The following KIAA0825 variants were observed in gnomAD, a reference collection of about 807,000 sequenced individuals.
The protein encoded by KIAA0825 is KIAA0825, also known as uncharacterized protein KIAA0825.
Under a neutral mutation model 147.6 loss-of-function variants are expected in KIAA0825, and 119 were observed. The observed-to-expected ratio is 0.81, with a 90% CI of 0.69 to 0.94. The LOEUF (loss-of-function observed/expected upper bound fraction) is 0.94, where lower values mean the gene tolerates loss of function less well. KIAA0825 is among the 40% of genes least tolerant of loss of function. The pLI, the probability that KIAA0825 is intolerant of heterozygous loss-of-function variation, is 0.00. For synonymous variants in KIAA0825, 470 were observed against 518.1 expected (o/e 0.91, Z 1.26); for missense variants, 1,381 against 1,472.7 (o/e 0.94, Z 1.02).
intron 20 of KIAA0825, among the ~76,000 whole-genome samples, chr5:94,351,445 T>G (rs1783656062): frequency 6.6e-6 from 1 of 152,076 alleles, no homozygotes; most frequent in Non-Finnish European, 1.5e-5. Flanking sequence ...ATAGATGACA[T>G]GAACAAATGG....
chr5:94,316,729 T>G (rs1340436102), intron 20 of KIAA0825, among the ~76,000 whole-genome samples: 1 of 151,844 alleles, frequency 6.6e-6, no homozygotes, highest in Non-Finnish European at 1.5e-5. Context: ...TGGGGCAGTA[T>G]GCTTTTGCAT....
At chr5:94,166,145 A>G (rs1673510154) in intron 20 of KIAA0825, among the ~76,000 whole-genome samples, 1 of 152,210 alleles carries the variant, frequency 6.6e-6, no homozygotes, top group African/African-American at 2.4e-5. Flanking sequence ...ATGTAGCCAC[A>G]AAAATTAAAA....
intron 5 of KIAA0825, among the ~76,000 whole-genome samples, chr5:94,510,371 T>C (rs950598812): frequency 2.0e-5 from 3 of 152,216 alleles, no homozygotes; most frequent in South Asian, 2.1e-4. Context: ...TACTTCTTAT[T>C]GTCCTGTTAC....
chr5:94,553,775 CAAA>C (rs556501134), intron 2 of KIAA0825, among the ~76,000 whole-genome samples: 1 of 114,278 alleles, frequency 8.8e-6, no homozygotes. Context: ...AAAAAACAAC[CAAA>C]AAAAAAAAAC....
intron 20 of KIAA0825, among the ~76,000 whole-genome samples, chr5:94,338,297 G>T (rs1286648807): frequency 8.8e-6 from 1 of 113,494 alleles, no homozygotes; most frequent in African/African-American, 3.8e-5. Context: ...ATCTCCTTGA[G>T]TCAGGATAGA....
intron 13 of KIAA0825, among the ~76,000 whole-genome samples, chr5:94,444,113 C>T (rs1757441259): frequency 6.6e-6 from 1 of 152,106 alleles, no homozygotes; most frequent in South Asian, 2.1e-4. Flanking sequence ...GGAGCAGCCC[C>T]TCCCACCAAA....
chr5:94,463,214 A>G (rs1489283953), intron 11 of KIAA0825, among the ~76,000 whole-genome samples: 1 of 151,580 alleles, frequency 6.6e-6, no homozygotes, highest in Admixed American at 6.6e-5. Context: ...GATCTCTTTA[A>G]TTATTATTTT....
rs771844261 is a variant in KIAA0825 at position 94,346,853 on chromosome 5, C to T, written c.3710+37515G>A. On this transcript the variant is annotated intron_variant, in intron 20 of 20. Transcript: ENST00000682413. ...AGGGCACAAATCCAGCGTGCGTACT[C>T]CACAGGTGGGGGACGAACCAAGCCC... Among the ~76,000 whole-genome samples the T allele has an allele frequency of 4.6e-5, 7 of 152,330 alleles. No homozygotes were observed. The East Asian group carries it at 1.4e-3, about 29-fold the overall frequency.
chr5:94,175,206 A>G lies in KIAA0825; in HGVS notation c.3711-21082T>C, dbSNP rs557653522. 2.0e-5 allele frequency among the ~76,000 whole-genome samples: 3 copies of G among 152,260 alleles called. No homozygotes were observed. In the East Asian group the frequency reaches 5.8e-4, roughly 29 times the overall value. On this transcript the variant is annotated intron_variant, in intron 20 of 20. Transcript: ENST00000682413. ...TGTCTTCCCAATTAGCTCACCCATTATCTCTCATATCCTAAAATCCTATCA... is the reference window on the plus strand; with the variant it reads ...TGTCTTCCCAATTAGCTCACCCATTGTCTCTCATATCCTAAAATCCTATCA...
chr5:94,600,132 A>T (rs115538341), intron 1 of KIAA0825, among the ~76,000 whole-genome samples: 1,830 of 152,296 alleles, frequency 0.012, 34 homozygotes, highest in African/African-American at 0.042. Context: ...CTGGGTTTTT[A>T]AAATAGGAAT....
At chr5:94,397,686 C>A (rs187115950) in intron 16 of KIAA0825, among the ~76,000 whole-genome samples, 6 of 152,282 alleles carry the variant, frequency 3.9e-5, no homozygotes, top group Admixed American at 3.9e-4. Flanking sequence ...CCTCCACCCA[C>A]TAGATGTCAG....
At chr5:94,186,077 G>C (rs533031353) in intron 20 of KIAA0825, among the ~76,000 whole-genome samples, 3 of 152,110 alleles carry the variant, frequency 2.0e-5, no homozygotes, top group Admixed American at 1.3e-4. Context: ...TCCCAACAGA[G>C]TATAGGGTAG....
chr5:94,482,394 G>T (rs146867055), intron 6 of KIAA0825, among the ~76,000 whole-genome samples: 1 of 151,948 alleles, frequency 6.6e-6, no homozygotes, highest in Non-Finnish European at 1.5e-5. Context: ...CATAGACATC[G>T]TAGGCAACTC....
chr5:94,337,382 T>C (rs2150315198), intron 20 of KIAA0825, among the ~76,000 whole-genome samples: 1 of 152,330 alleles, frequency 6.6e-6, no homozygotes, highest in South Asian at 2.1e-4. Flanking sequence ...TTCAAATAAA[T>C]GTGTATAATT....
chr5:94,542,982 C>T (rs1773630359), intron 2 of KIAA0825, among the ~76,000 whole-genome samples: 1 of 151,780 alleles, frequency 6.6e-6, no homozygotes, highest in African/African-American at 2.4e-5. Context: ...GGCCTCATAC[C>T]TTGTCTACAC....
chr5:94,235,005 G>A (rs1423346388), intron 20 of KIAA0825, among the ~76,000 whole-genome samples: 1 of 151,630 alleles, frequency 6.6e-6, no homozygotes, highest in African/African-American at 2.4e-5. Context: ...CCCTCTCCTT[G>A]GGCCTCCCTC....
chr5:94,609,118 A>T (rs753202228), intron 1 of KIAA0825, among the ~76,000 whole-genome samples: 1 of 152,220 alleles, frequency 6.6e-6, no homozygotes. Flanking sequence ...TTTGGTGATC[A>T]AAGAAGAATA....
At chr5:94,562,091 C>CA (rs1266618287) in intron 2 of KIAA0825, among the ~76,000 whole-genome samples, 7 of 151,778 alleles carry the variant, frequency 4.6e-5, no homozygotes, top group Non-Finnish European at 8.8e-5. Flanking sequence ...TTTTCATCTA[C>CA]AAAAAAAGGA....
intron 20 of KIAA0825, among the ~76,000 whole-genome samples, chr5:94,228,531 A>G (rs1774407949): frequency 6.6e-6 from 1 of 152,164 alleles, no homozygotes; most frequent in Admixed American, 6.6e-5. Flanking sequence ...CATGGTCATG[A>G]TTAGCTGCTT....
Sources: allele counts gnomAD v4.1 joint callset (sites outside exome capture counted in the v4.1 genomes callset), GRCh38; gene constraint gnomAD v4.1.1; transcripts MANE v1.5; gene names NCBI Gene and HGNC (gene_info 2026-07-23, HGNC 2026-07-21).